The following ANO8 variants were observed in gnomAD, a reference collection of about 807,000 sequenced individuals.
ANO8 encodes anoctamin-8.
ANO8 carries 67 observed loss-of-function variants against 120.4 expected under a neutral mutation model. That is an observed-to-expected ratio of 0.56 (90% confidence interval 0.46 to 0.68). The LOEUF (loss-of-function observed/expected upper bound fraction) is 0.68. Ranked by LOEUF, ANO8 falls within the 30% of genes least tolerant of loss-of-function variation. The pLI is 0.00. For missense variants in ANO8, 1,526 were observed against 1,737.6 expected (o/e 0.88, Z 2.16); for synonymous variants, 727 against 759.2 (o/e 0.96, Z 0.70).
chr19:17,332,850 C>T, intron 5 of ANO8, 80 bp downstream of exon 5: 2 of 1,531,798 alleles, frequency 1.3e-6, no homozygotes, highest in Non-Finnish European at 9.0e-7. Context: ...TGGGCCCCGC[C>T]CTCCTGCTCC....
At chr19:17,328,080 AC>A in intron 13 of ANO8, 81 bp downstream of exon 13, 1 of 1,401,128 alleles carries the variant, frequency 7.1e-7, no homozygotes. Flanking sequence ...CACCACTCCC[AC>A]CCCCACGGCC....
At chr19:17,334,150 C>G (rs1378076716) in intron 1 of ANO8, among the ~76,000 whole-genome samples, 2 of 152,242 alleles carry the variant, frequency 1.3e-5, no homozygotes, top group African/African-American at 4.8e-5. Context: ...AGGTGCGGTT[C>G]TTACCCCCAT....
rs1166720409 is a variant in ANO8, at chr19:17,324,955, C to G, written c.3093G>C (p.Lys1031Asn). 1 of 1,613,088 alleles carries G rather than the reference C, an allele frequency of 6.2e-7. No individual in the cohort carries two copies. The highest frequency in any genetic ancestry group is 8.5e-7 in the Non-Finnish European group (1 of 1,179,916). ...LPAFLSFKFL[K>N]SPETRRDSER... ...CAGAGTCCCGCCGGGTCTCGGGTGACTTGAGGAACTTGAAGCTGAGGAAGG... is the reference window on the plus strand; with the variant it reads ...CAGAGTCCCGCCGGGTCTCGGGTGAGTTGAGGAACTTGAAGCTGAGGAAGG... Residue 1031 changes from lysine to asparagine, a missense_variant, in exon 17 of 18, where the codon AAG becomes AAC. Lys to Asn is a moderately conservative substitution (Grantham distance 94). Around this residue, in one of 8 missense-constraint regions of ANO8, gnomAD observed 489 missense variants for 548.6 expected, o/e 0.89. Coordinates refer to ENST00000159087, the MANE Select transcript of ANO8 (RefSeq NM_020959.3).
At position 17,325,339 on chromosome 19, in the gene ANO8, C is replaced by T. The variant is rs747882910; in HGVS notation, c.2709G>A (p.Arg903=). The change falls in exon 17 of 18, where the codon AGG becomes AGA. Residue 903 remains arginine, a synonymous_variant. Coordinates refer to ENST00000159087, the MANE Select transcript of ANO8 (RefSeq NM_020959.3). Reference sequence around the variant, plus strand: ...GCTGTCGCTCCTCCTCCTCCCGCCGCCTGCGCTGCTGCTGCTGGTAGCGAT... The same window carrying T: ...GCTGTCGCTCCTCCTCCTCCCGCCGTCTGCGCTGCTGCTGCTGGTAGCGAT... The part of the protein sequence containing the change: ...AQHRYQQQQR[R]RREEEERQRH... The T allele has an allele frequency of 1.2e-6, 2 of 1,601,546 alleles. No individual in the cohort carries two copies. The highest frequency in any genetic ancestry group is 2.7e-5 in the African/African-American group (2 of 74,912).
chr19:17,333,920 C>A lies in ANO8; in HGVS notation c.107-120G>T. On this transcript the variant is annotated intron_variant, in intron 1 of 17. Transcript: ENST00000159087. The surrounding 1 kb of genome is among the most constrained non-coding windows in gnomAD (Gnocchi z 7.2). ...CCACTCCACCTGGCATTCAAGGCCCCGGGAGCTCTGGGCTTGGCTTATTTT... is the reference window on the plus strand; with the variant it reads ...CCACTCCACCTGGCATTCAAGGCCCAGGGAGCTCTGGGCTTGGCTTATTTT... 1.2e-6 allele frequency: 1 copy of A among 809,368 alleles called. No individual in the cohort carries two copies. 50.1% of individuals were successfully genotyped at this position (809,368 alleles called of 1,614,324 possible).
intron 16 of ANO8, among the ~76,000 whole-genome samples, chr19:17,325,625 G>A (rs2074269473): frequency 6.6e-6 from 1 of 152,224 alleles, no homozygotes. Flanking sequence ...TGGAAATGAG[G>A]GAGGCTTAAA....
intron 5 of ANO8, among the ~76,000 whole-genome samples, chr19:17,332,217 C>T (rs911628710): frequency 5.5e-5 from 8 of 144,428 alleles, no homozygotes; most frequent in Non-Finnish European, 1.1e-4. Flanking sequence ...TTACAGGCGT[C>T]AGCCACCGCG....
chr19:17,327,646 G>A (rs1371423866), intron 14 of ANO8, 43 bp downstream of exon 14: 2 of 1,607,576 alleles, frequency 1.2e-6, no homozygotes, highest in African/African-American at 1.3e-5. Flanking sequence ...CTGCACCTGG[G>A]CTCCCTCTGG....
chr19:17,325,213 C>A lies in ANO8; in HGVS notation c.2835G>T (p.Lys945Asn). 1 of 1,612,324 alleles carries A rather than the reference C, an allele frequency of 6.2e-7. No homozygotes were observed. The highest frequency in any genetic ancestry group is 1.1e-5 in the South Asian group (1 of 91,048). The change falls in exon 17 of 18, where the codon AAG becomes AAT. Residue 945 changes from lysine (K) to asparagine (N), a missense_variant. Physicochemically the swap from Lys to Asn is moderately conservative, Grantham distance 94. Transcript: ENST00000159087. ...TGCTGCCCTTGGCCTTGGCAGAGGC[C>A]TTCTCGGAGGAGGTGGCAGGGTCCA... is the stretch of plus-strand genomic sequence containing the variant. ...SGLDPATSSE[K>N]ASAKAKGSTA...
intron 17 of ANO8, 29 bp downstream of exon 17, chr19:17,324,688 G>T (rs781075229): frequency 6.6e-7 from 1 of 1,511,578 alleles, no homozygotes. Context: ...CCGGCCCGGC[G>T]TCCCCACCCC....
chr19:17,334,156 C>G (rs1220145342), intron 1 of ANO8, among the ~76,000 whole-genome samples: 1 of 152,226 alleles, frequency 6.6e-6, no homozygotes, highest in African/African-American at 2.4e-5. Context: ...GGTTCTTACC[C>G]CCATTTCACA....
intron 1 of ANO8, 121 bp downstream of exon 1, chr19:17,334,444 G>T: frequency 1.1e-6 from 1 of 921,914 alleles, no homozygotes; most frequent in Middle Eastern, 2.7e-4. Context: ...GCCGGGAGGA[G>T]CCGGCCCCTC....
In ANO8 at chr19:17,333,997, C is replaced by T. The variant is rs965759936; in HGVS notation, c.107-197G>A. Among the ~76,000 whole-genome samples, 3 of 152,156 alleles carry T rather than the reference C, an allele frequency of 2.0e-5. No homozygotes were observed. The highest frequency in any genetic ancestry group is 1.3e-4 in the Admixed American group (2 of 15,268). ...AGGCCTTCCTCCAGAAATGCCCTTC[C>T]CCCCAGATCCTCCCTTACAAATCTT... On this transcript the variant is annotated intron_variant, in intron 1 of 17. Transcript: ENST00000159087. This position sits in a 1 kb window ranked among gnomAD's most constrained non-coding sequence, Gnocchi z 7.2.
At chr19:17,331,057 C>T in intron 7 of ANO8, 31 bp downstream of exon 7, 1 of 1,613,764 alleles carries the variant, frequency 6.2e-7, no homozygotes, top group Non-Finnish European at 8.5e-7. Context: ...CCTCTGGATC[C>T]CCCAGACCTT....
intron 15 of ANO8, 26 bp downstream of exon 15, chr19:17,327,412 G>GC (rs746912281): frequency 2.4e-4 from 384 of 1,579,724 alleles, no homozygotes; most frequent in Middle Eastern, 3.3e-4. Flanking sequence ...CCTCCCAGCT[G>GC]CCCCCGCCCC....
At chr19:17,323,907 T>A in intron 17 of ANO8, 23 bp from the exon 18 acceptor site, 1 of 1,112,700 alleles carries the variant, frequency 9.0e-7, no homozygotes, top group Non-Finnish European at 1.1e-6. Context: ...GAGGGGCCGT[T>A]CCGGGGGGAT....
chr19:17,325,781 A>T (rs1249609305), intron 16 of ANO8, among the ~76,000 whole-genome samples: 2 of 152,238 alleles, frequency 1.3e-5, no homozygotes, highest in South Asian at 2.1e-4. Context: ...TATAAAAATT[A>T]GCTGAGCATG....
In ANO8 at chr19:17,333,561, A is replaced by C. The variant is rs762795232; in HGVS notation, c.218-7T>G. 1 of 1,610,484 alleles carries C rather than the reference A, an allele frequency of 6.2e-7. No individual in the cohort carries two copies. The highest frequency in any genetic ancestry group is 1.1e-5 in the South Asian group (1 of 91,034). The stretch of plus-strand genomic sequence containing the variant: ...GTGTGGTCATCGGTCGTGTCTGCCA[A>C]GGGGCACAGGGACCGATGGCTCCTG... On this transcript the variant is annotated splice_polypyrimidine_tract_variant and splice_region_variant and intron_variant, in intron 2 of 17. Transcript: ENST00000159087. This position sits in a 1 kb window ranked among gnomAD's most constrained non-coding sequence, Gnocchi z 7.2.
intron 16 of ANO8, among the ~76,000 whole-genome samples, chr19:17,326,429 G>A (rs2074274009): frequency 6.6e-6 from 1 of 151,782 alleles, no homozygotes; most frequent in South Asian, 2.1e-4. Flanking sequence ...CTGGGAGGTG[G>A]AGATTGCGGT....
Sources: gnomAD v4.1 joint callset for allele counts (sites outside exome capture counted in the v4.1 genomes callset) on GRCh38, gnomAD v4.1.1 for gene constraint, gnomAD v4.1.1 regional missense constraint, Gnocchi (gnomAD v3.1) non-coding constraint, MANE v1.5 for transcripts, NCBI Gene and HGNC (gene_info 2026-07-23, HGNC 2026-07-21) for gene names.